PPA2: variants seen among roughly 807,000 people sequenced by gnomAD.
PPA2 encodes inorganic pyrophosphatase 2.
Under a neutral mutation model 49.5 loss-of-function variants are expected in PPA2, and 48 were observed. That is an observed-to-expected ratio of 0.97 (90% confidence interval 0.77 to 1.23). The LOEUF (loss-of-function observed/expected upper bound fraction) is 1.23, where lower values mean the gene tolerates loss of function less well. PPA2 is among the 50% of genes most tolerant of loss of function. The pLI is 0.00. For missense variants in PPA2, 429 were observed against 410.1 expected (o/e 1.05, Z -0.40); for synonymous variants, 131 against 139.9 (o/e 0.94, Z 0.45).
At chr4:105,424,815 G>T (rs1723420183) in intron 6 of PPA2, among the ~76,000 whole-genome samples, 1 of 152,168 alleles carries the variant, frequency 6.6e-6, no homozygotes. Context: ...CATGGTACTA[G>T]AAATAAGAAA....
Position 105,411,752 on chromosome 4 carries a change from C to CA in PPA2, c.655+12443dup, listed in dbSNP as rs1722767162. ...GCAACTTTAGCAAAGTCTCAGGATA[C>CA]AAAATCAATGTGCAAAAATCATGAG... On this transcript the variant is annotated intron_variant, in intron 7 of 11. Transcript: ENST00000341695. Among the ~76,000 whole-genome samples, 3 of 152,202 alleles carry CA rather than the reference C, an allele frequency of 2.0e-5. No homozygotes were observed. The South Asian group carries it at 6.2e-4, about 31-fold the overall frequency.
At position 105,387,227 on chromosome 4, in the gene PPA2, T is replaced by C. The variant is rs1018990630; in HGVS notation, c.870-591A>G. ...CTCTAAAAGCATGCTACTCATTACA[T>C]ACTGCCACTCTCTAGATGAAAGCAA... is the stretch of plus-strand genomic sequence containing the variant. On this transcript the variant is annotated intron_variant, in intron 9 of 11. Transcript: ENST00000341695. 3.3e-5 allele frequency among the ~76,000 whole-genome samples: 5 copies of C among 152,238 alleles called. No homozygotes were observed. The East Asian group carries it at 9.7e-4, about 29-fold the overall frequency.
intron 2 of PPA2, chr4:105,456,337 T>C (rs1271377322): frequency 2.3e-6 from 1 of 443,650 alleles, no homozygotes; most frequent in Non-Finnish European, 4.4e-6. Context: ...TAACATCATG[T>C]TCACATAGTG....
At chr4:105,370,994 GA>G (rs34642022) in intron 10 of PPA2, 121 bp from the exon 11 acceptor site, 2 of 928,148 alleles carry the variant, frequency 2.2e-6, no homozygotes, top group Non-Finnish European at 2.9e-6. Flanking sequence ...TCTCTAACCT[GA>G]AAAAGGTAAA....
At chr4:105,381,559 A>C (rs1013493469) in intron 10 of PPA2, among the ~76,000 whole-genome samples, 20 of 152,068 alleles carry the variant, frequency 1.3e-4, no homozygotes, top group African/African-American at 4.6e-4. Flanking sequence ...TTGTTTTACA[A>C]GTTTATTTAG....
chr4:105,419,750 CA>C (rs148350387), intron 7 of PPA2, among the ~76,000 whole-genome samples: 5,762 of 150,986 alleles, frequency 0.038, 329 homozygotes, highest in African/African-American at 0.12. Context: ...TTATTTATAT[CA>C]AAAAAAATAA....
chr4:105,426,887 C>T (rs1354210964), intron 6 of PPA2, among the ~76,000 whole-genome samples: 1 of 152,222 alleles, frequency 6.6e-6, no homozygotes, highest in Non-Finnish European at 1.5e-5. Context: ...CGATAATAGA[C>T]AAGACTGCCT....
chr4:105,447,396 A>G (rs1384961003), intron 4 of PPA2, among the ~76,000 whole-genome samples: 1 of 152,206 alleles, frequency 6.6e-6, no homozygotes, highest in African/African-American at 2.4e-5. Flanking sequence ...GGTAGGGGGA[A>G]TAGGGAAATG....
intron 9 of PPA2, among the ~76,000 whole-genome samples, chr4:105,389,314 G>A (rs986975381): frequency 6.6e-6 from 1 of 151,912 alleles, no homozygotes; most frequent in African/African-American, 2.4e-5. Flanking sequence ...AATCATGGAG[G>A]CCCCAAGGAA....
At chr4:105,412,124 C>T (rs1422021607) in intron 7 of PPA2, among the ~76,000 whole-genome samples, 1 of 152,026 alleles carries the variant, frequency 6.6e-6, no homozygotes, top group African/African-American at 2.4e-5. Context: ...AAAAAGAGCC[C>T]GCATAGCCAA....
intron 3 of PPA2, among the ~76,000 whole-genome samples, chr4:105,452,773 T>C (rs147565893): frequency 6.6e-6 from 1 of 152,252 alleles, no homozygotes; most frequent in African/African-American, 2.4e-5. Flanking sequence ...AGGACACTTG[T>C]AGCAGGAGAT....
intron 7 of PPA2, among the ~76,000 whole-genome samples, chr4:105,410,412 T>G (rs1045687786): frequency 1.3e-5 from 2 of 152,188 alleles, no homozygotes; most frequent in Non-Finnish European, 2.9e-5. Context: ...TATGGGACTA[T>G]GTGAAAAGAC....
At chr4:105,383,251 T>G (rs1214347365) in intron 10 of PPA2, among the ~76,000 whole-genome samples, 1 of 152,228 alleles carries the variant, frequency 6.6e-6, no homozygotes, top group Non-Finnish European at 1.5e-5. Flanking sequence ...TAAATTCTCC[T>G]TCTGAAATCT....
chr4:105,375,480 G>A (rs1446079093), intron 10 of PPA2, among the ~76,000 whole-genome samples: 4 of 152,046 alleles, frequency 2.6e-5, no homozygotes, highest in Admixed American at 1.3e-4. Context: ...ATATTGTAGT[G>A]TGATCTTACT....
chr4:105,460,685 A>G (rs1305810639), intron 1 of PPA2, among the ~76,000 whole-genome samples: 3 of 152,212 alleles, frequency 2.0e-5, no homozygotes, highest in East Asian at 1.9e-4. Flanking sequence ...AAGTTACACA[A>G]ACAAGGGAAG....
chr4:105,456,775 CAG>C, intron 1 of PPA2, 30 bp from the exon 2 acceptor site: 1 of 1,549,360 alleles, frequency 6.5e-7, no homozygotes, highest in Non-Finnish European at 8.8e-7. Flanking sequence ...CAAAACAAAA[CAG>C]AATTAAAGCA....
intron 7 of PPA2, among the ~76,000 whole-genome samples, chr4:105,408,041 C>T (rs1722565204): frequency 6.6e-6 from 1 of 152,050 alleles, no homozygotes; most frequent in Admixed American, 6.5e-5. Flanking sequence ...GAGAGAGTCC[C>T]AGCCCTGAAA....
chr4:105,452,144 G>C (rs1303318250), intron 3 of PPA2, among the ~76,000 whole-genome samples: 3 of 152,062 alleles, frequency 2.0e-5, no homozygotes, highest in Non-Finnish European at 4.4e-5. Flanking sequence ...TATATACATG[G>C]GGAAAAGACA....
intron 1 of PPA2, among the ~76,000 whole-genome samples, chr4:105,468,776 T>G (rs942758633): frequency 3.3e-5 from 5 of 152,168 alleles, no homozygotes; most frequent in Admixed American, 2.6e-4. Context: ...ACTTTTACAG[T>G]TGGAACTAAC....
Sources: allele counts gnomAD v4.1 joint callset (sites outside exome capture counted in the v4.1 genomes callset), GRCh38; gene constraint gnomAD v4.1.1; transcripts MANE v1.5; gene names NCBI Gene and HGNC (gene_info 2026-07-23, HGNC 2026-07-21).